The following TRAM2 variants were observed in gnomAD, a reference collection of about 807,000 sequenced individuals.
The protein encoded by TRAM2 is translocation associated membrane protein 2, also known as translocating chain-associated membrane protein 2.
In TRAM2, 12 loss-of-function variants were observed where a neutral mutation model predicts 51.0. That is an observed-to-expected ratio of 0.24 (90% CI 0.15 to 0.38). TRAM2 has a LOEUF of 0.38. TRAM2 is among the 10% of genes least tolerant of loss of function. TRAM2 has a pLI of 1.00. For synonymous variants in TRAM2, 175 were observed against 179.4 expected, an observed-to-expected ratio of 0.98 and a Z score of 0.20; for missense variants, 361 against 462.0, an observed-to-expected ratio of 0.78 and a Z score of 2.00.
chr6:52,568,906 G>A (rs770480236), intron 1 of TRAM2, among the ~76,000 whole-genome samples: 130 of 152,112 alleles, frequency 8.5e-4, no homozygotes, highest in Middle Eastern at 3.2e-3. Context: ...TCAAAGGCAG[G>A]GCAACTGAGG....
At chr6:52,571,865 C>T (rs1214300452) in intron 1 of TRAM2, among the ~76,000 whole-genome samples, 4 of 152,216 alleles carry the variant, frequency 2.6e-5, no homozygotes, top group African/African-American at 7.2e-5. Context: ...AATAGTCATC[C>T]GTGTACTTGT....
intron 2 of TRAM2, 147 bp downstream of exon 2, chr6:52,535,636 G>A: frequency 1.6e-6 from 1 of 610,998 alleles, no homozygotes; most frequent in Non-Finnish European, 2.8e-6. Context: ...AGCCAAGATT[G>A]TGCCACTGCA....
chr6:52,507,237 C>T (rs1289905735), intron 7 of TRAM2, among the ~76,000 whole-genome samples: 6 of 152,156 alleles, frequency 3.9e-5, no homozygotes, highest in African/African-American at 1.2e-4. Context: ...GTTCAAAGGC[C>T]GACATCCACT....
intron 1 of TRAM2, among the ~76,000 whole-genome samples, chr6:52,569,803 C>A (rs1440779252): frequency 3.3e-5 from 5 of 152,106 alleles, no homozygotes; most frequent in African/African-American, 1.2e-4. Flanking sequence ...AGGCCCAGAA[C>A]AGGCACTTAA....
At chr6:52,561,487 C>CTTTTTTT (rs61175622) in intron 1 of TRAM2, among the ~76,000 whole-genome samples, 2 of 130,286 alleles carry the variant, frequency 1.5e-5, no homozygotes, top group African/African-American at 2.7e-5. Flanking sequence ...GTTTCTTTTT[C>CTTTTTTT]TTTTTTTTTT....
In TRAM2 at chr6:52,508,102, A is replaced by G. The variant is rs1766381967; in HGVS notation, c.555+132T>C. 8.8e-6 allele frequency: 7 copies of G among 797,940 alleles called. No homozygotes were observed. In the Admixed American group the frequency reaches 1.9e-4, roughly 21 times the overall value. 49.4% of individuals were successfully genotyped at this position (797,940 alleles called of 1,614,324 possible). ...AAGAGATGACTCAGCATGTTGCTCAATCCCCAACATATTCCTATCACCACC... is the reference window on the plus strand; with the variant it reads ...AAGAGATGACTCAGCATGTTGCTCAGTCCCCAACATATTCCTATCACCACC... On this transcript the variant is annotated intron_variant, in intron 6 of 10. Transcript: ENST00000182527.
chr6:52,520,057 C>T (rs572625648), intron 2 of TRAM2, among the ~76,000 whole-genome samples: 26 of 152,128 alleles, frequency 1.7e-4, no homozygotes, highest in Non-Finnish European at 3.5e-4. Flanking sequence ...GAAAAGTGTT[C>T]TGAAAATTGG....
rs1767532535 is a variant in TRAM2, at chr6:52,563,422, A to G, written c.120+13374T>C. 2.0e-5 allele frequency among the ~76,000 whole-genome samples: 3 copies of G among 152,314 alleles called. No individual in the cohort carries two copies. The South Asian group carries it at 6.2e-4, about 32-fold the overall frequency. On this transcript the variant is annotated intron_variant, in intron 1 of 10. Coordinates refer to ENST00000182527, the MANE Select transcript of TRAM2 (RefSeq NM_012288.4). ...CAAGACAAATACATAAAAGCCAATAAAAAGTGGTTACTTGGGGCCGGGCGT... is the reference window on the plus strand; with the variant it reads ...CAAGACAAATACATAAAAGCCAATAGAAAGTGGTTACTTGGGGCCGGGCGT...
rs954917002 is a variant in TRAM2, at chr6:52,502,013, A to G, written c.*1184T>C. On this transcript the variant is annotated 3_prime_UTR_variant, in exon 11 of 11. Coordinates refer to ENST00000182527, the MANE Select transcript of TRAM2 (RefSeq NM_012288.4). ...CCCAGAGAGTGACTCTCAGTCAGTCATGGTTTCATGCAGTCTAAAATGCTG... is the reference window on the plus strand; with the variant it reads ...CCCAGAGAGTGACTCTCAGTCAGTCGTGGTTTCATGCAGTCTAAAATGCTG... The G allele has an allele frequency of 2.6e-5, 4 of 152,054 alleles. No homozygotes were observed. The highest frequency in any genetic ancestry group is 9.7e-5 in the African/African-American group (4 of 41,406). 9.4% of individuals were successfully genotyped at this position (152,054 alleles called of 1,614,324 possible).
chr6:52,505,042 A>G (rs1766320527), intron 9 of TRAM2, among the ~76,000 whole-genome samples: 1 of 152,274 alleles, frequency 6.6e-6, no homozygotes, highest in South Asian at 2.1e-4. Context: ...GGAGGGGTCC[A>G]TGGCTGTGTC....
chr6:52,547,327 A>C lies in TRAM2; in HGVS notation c.121-11481T>G, dbSNP rs77200270. ...GGAACTGAGATCCAGTGCTGCAGAG[A>C]GGGATGCCCAAGAGGGTGCACTGGG... On this transcript the variant is annotated intron_variant, in intron 1 of 10. Transcript: ENST00000182527. Among the ~76,000 whole-genome samples, 305 of 152,280 alleles carry C rather than the reference A, an allele frequency of 2.0e-3. 9 individuals are homozygous for C. The East Asian group carries it at 0.053, about 27-fold the overall frequency.
chr6:52,506,116 A>C lies in TRAM2; in HGVS notation c.647T>G (p.Ile216Ser). 2 of 1,614,038 alleles carry C rather than the reference A, an allele frequency of 1.2e-6. No homozygotes were observed. The highest frequency in any genetic ancestry group is 1.7e-6 in the Non-Finnish European group (2 of 1,180,040). ...AGTTGAGTACTGCAGCAGCAGCAAG[A>C]TCAGGCCCAGGCGGCTCAGGCTGGG... ...YLLNLSRLGL[I>S]LLLLQYSTEF... The change falls in exon 8 of 11, where the codon ATC (isoleucine) becomes AGC (serine). Residue 216 changes from isoleucine (I) to serine (S), a missense_variant. Coordinates refer to ENST00000182527, the MANE Select transcript of TRAM2 (RefSeq NM_012288.4).
chr6:52,505,835 G>A, intron 8 of TRAM2, 93 bp from the exon 9 acceptor site: 1 of 1,506,336 alleles, frequency 6.6e-7, no homozygotes, highest in Non-Finnish European at 8.9e-7. Flanking sequence ...GTGGGAAGAG[G>A]ATTCAAGGGT....
chr6:52,517,624 G>C (rs1445512585), intron 2 of TRAM2, among the ~76,000 whole-genome samples: 1 of 152,254 alleles, frequency 6.6e-6, no homozygotes, highest in Non-Finnish European at 1.5e-5. Flanking sequence ...GCAGGCTGCG[G>C]GGCTGTGAGC....
At chr6:52,531,771 C>T (rs1327938068) in intron 2 of TRAM2, among the ~76,000 whole-genome samples, 2 of 152,210 alleles carry the variant, frequency 1.3e-5, no homozygotes, top group African/African-American at 4.8e-5. Context: ...TTTGCTTTTC[C>T]TTACCACATA....
chr6:52,566,870 G>A (rs1455202750), intron 1 of TRAM2, among the ~76,000 whole-genome samples: 1 of 152,218 alleles, frequency 6.6e-6, no homozygotes, highest in Non-Finnish European at 1.5e-5. Flanking sequence ...CTTACTGAGT[G>A]AGCACCACTG....
Position 52,509,594 on chromosome 6 carries a change from G to A in TRAM2, c.412-8C>T, listed in dbSNP as rs1452705985. ...GTTTGTTAAGTATCCTTCCTGCAGT[G>A]GGCAAGAAGAGAGACCATTTAGAGA... On this transcript the variant is annotated splice_polypyrimidine_tract_variant and splice_region_variant and intron_variant, in intron 4 of 10. Transcript: ENST00000182527. 6.2e-7 allele frequency: 1 copy of A among 1,613,672 alleles called. No individual in the cohort carries two copies. Among genetic ancestry groups the A allele is most frequent in the Non-Finnish European group, 8.5e-7 (1 of 1,179,810 alleles).
chr6:52,516,274 G>A (rs1437253470), intron 3 of TRAM2, 152 bp from the exon 4 acceptor site: 18 of 684,782 alleles, frequency 2.6e-5, no homozygotes, highest in Middle Eastern at 3.9e-4. Context: ...AGCCTACTGC[G>A]TGCATACAGT....
chr6:52,557,647 G>C (rs1271806850), intron 1 of TRAM2, among the ~76,000 whole-genome samples: 1 of 152,188 alleles, frequency 6.6e-6, no homozygotes, highest in African/African-American at 2.4e-5. Context: ...TGTATGTCCT[G>C]ATAAGGCAAC....
Sources: gnomAD v4.1 joint callset for allele counts (sites outside exome capture counted in the v4.1 genomes callset) on GRCh38, gnomAD v4.1.1 for gene constraint, MANE v1.5 for transcripts, NCBI Gene and HGNC (gene_info 2026-07-23, HGNC 2026-07-21) for gene names.